The following ROCK1 variants were observed in gnomAD, a reference collection of about 807,000 sequenced individuals.
ROCK1 encodes the protein rho-associated protein kinase 1.
Under a neutral mutation model 196.8 loss-of-function variants are expected in ROCK1, and 36 were observed. That is an observed-to-expected ratio of 0.18 (90% CI 0.14 to 0.24). The LOEUF is 0.24. Ranked by LOEUF, ROCK1 falls within the 10% of genes least tolerant of loss-of-function variation. The pLI, the probability that ROCK1 is intolerant of heterozygous loss-of-function variation, is 1.00. For missense variants in ROCK1, 920 were observed against 1,562.0 expected (o/e 0.59, Z 6.93); for synonymous variants, 443 against 515.9 (o/e 0.86, Z 1.91).
chr18:20,987,980 A>C (rs1209185066), intron 18 of ROCK1, among the ~76,000 whole-genome samples: 1 of 152,100 alleles, frequency 6.6e-6, no homozygotes, highest in East Asian at 1.9e-4. Flanking sequence ...GATATCTAAT[A>C]ATCTTATTAA....
chr18:21,080,847 A>G (rs1041159458), intron 1 of ROCK1, among the ~76,000 whole-genome samples: 1 of 152,204 alleles, frequency 6.6e-6, no homozygotes, highest in Non-Finnish European at 1.5e-5. Context: ...ATATAAATAT[A>G]CAAGCCCCAT....
intron 27 of ROCK1, among the ~76,000 whole-genome samples, chr18:20,961,567 T>C (rs1295356939): frequency 1.3e-5 from 2 of 152,188 alleles, no homozygotes; most frequent in Non-Finnish European, 2.9e-5. Flanking sequence ...CAAAGCTCTA[T>C]GGTTTCAAAC....
chr18:21,034,184 T>C (rs138869135), intron 9 of ROCK1, among the ~76,000 whole-genome samples: 1 of 152,128 alleles, frequency 6.6e-6, no homozygotes, highest in Non-Finnish European at 1.5e-5. Flanking sequence ...CCTGTGTTCA[T>C]GGACTGGAAA....
intron 12 of ROCK1, among the ~76,000 whole-genome samples, chr18:21,019,637 CA>C (rs1014134344): frequency 4.8e-4 from 69 of 142,480 alleles, no homozygotes; most frequent in Non-Finnish European, 3.7e-4. Context: ...ACTAAAAATA[CA>C]AAAAAAAAAA....
intron 1 of ROCK1, among the ~76,000 whole-genome samples, chr18:21,091,778 C>A (rs1378228164): frequency 6.6e-6 from 1 of 152,042 alleles, no homozygotes; most frequent in Non-Finnish European, 1.5e-5. Context: ...TGAGACCAGG[C>A]TGGCCTACGT....
In ROCK1 at chr18:21,111,030, C is replaced by T. The variant is rs1488337929; in HGVS notation, c.-120G>A. The T allele has an allele frequency of 4.0e-6, 3 of 744,308 alleles. No homozygotes were observed. The highest frequency in any genetic ancestry group is 6.8e-6 in the Non-Finnish European group (3 of 438,188). 46.1% of individuals were successfully genotyped at this position (744,308 alleles called of 1,614,324 possible). On this transcript the variant is annotated 5_prime_UTR_variant, in exon 1 of 33. Transcript: ENST00000399799. The surrounding 1 kb of genome is among the most constrained non-coding windows in gnomAD (Gnocchi z 4.2). ...GGAGGAGCCGGAACCTCAGGGTCACCAGGTGCGCCCGGTTCCCCCGTCTTC... is the reference window on the plus strand; with the variant it reads ...GGAGGAGCCGGAACCTCAGGGTCACTAGGTGCGCCCGGTTCCCCCGTCTTC...
rs185738467 is a variant in ROCK1, at chr18:21,081,408, A to G, written c.94-10795T>C. 2.0e-4 allele frequency among the ~76,000 whole-genome samples: 30 copies of G among 152,276 alleles called. No homozygotes were observed. In the East Asian group the frequency reaches 4.4e-3, roughly 22 times the overall value. On this transcript the variant is annotated intron_variant, in intron 1 of 32. Coordinates refer to ENST00000399799, the MANE Select transcript of ROCK1 (RefSeq NM_005406.3). ...AGCTATAAATGCTTACATTTTAAAA[A>G]GAAAAAAAGCTTTTAAAATCAATAA...
chr18:20,975,712 G>A (rs1435277714), intron 22 of ROCK1, among the ~76,000 whole-genome samples: 2 of 152,114 alleles, frequency 1.3e-5, no homozygotes, highest in Non-Finnish European at 2.9e-5. Context: ...CCAGGTTCAC[G>A]CCATTCTCCT....
chr18:21,072,965 T>C (rs1419935406), intron 1 of ROCK1, among the ~76,000 whole-genome samples: 1 of 143,398 alleles, frequency 7.0e-6, no homozygotes, highest in Non-Finnish European at 1.5e-5. Context: ...TCCCAGCTAC[T>C]CGGGAGGTTG....
intron 10 of ROCK1, among the ~76,000 whole-genome samples, chr18:21,028,027 C>T (rs2035975490): frequency 6.8e-6 from 1 of 147,656 alleles, no homozygotes; most frequent in Non-Finnish European, 1.5e-5. Context: ...TCCCAAAGTG[C>T]TGGGATTACA....
At chr18:20,987,136 T>C (rs2035585202) in intron 18 of ROCK1, 26 bp from the exon 19 acceptor site, 4 of 1,603,706 alleles carry the variant, frequency 2.5e-6, no homozygotes, top group East Asian at 2.2e-5. Context: ...GTTACAAACA[T>C]ACATTTAAAG....
rs547007377 is a variant in ROCK1, at chr18:21,051,087, C to T, written c.176-1207G>A. Among the ~76,000 whole-genome samples the T allele has an allele frequency of 3.9e-5, 6 of 152,206 alleles. No homozygotes were observed. The South Asian group carries it at 1.2e-3, about 32-fold the overall frequency. On this transcript the variant is annotated intron_variant, in intron 2 of 32. Transcript: ENST00000399799. ...GGTGAGAGATAGCTAGGAAGACTTT[C>T]TGTAAATGATGGTACCTGAAAAAAG...
At chr18:20,955,288 A>C (rs1307652729) in intron 29 of ROCK1, 43 bp from the exon 30 acceptor site, 1 of 1,537,296 alleles carries the variant, frequency 6.5e-7, no homozygotes, top group Non-Finnish European at 8.7e-7. Context: ...AAACTCATTT[A>C]TTGTAAAAGA....
chr18:20,947,326 A>G lies in ROCK1; in HGVS notation c.*4058T>C, dbSNP rs1293308242. The G allele has an allele frequency of 1.3e-5, 2 of 152,064 alleles. No homozygotes were observed. The highest frequency in any genetic ancestry group is 4.8e-5 in the African/African-American group (2 of 41,400). 9.4% of individuals were successfully genotyped at this position (152,064 alleles called of 1,614,324 possible). ...GAATTGGTGGGGTGGGGTGGGGTTT[A>G]GGAAGTGCAGACTGACTTTCTACTA... is the stretch of plus-strand genomic sequence containing the variant. On this transcript the variant is annotated 3_prime_UTR_variant, in exon 33 of 33. Coordinates refer to ENST00000399799, the MANE Select transcript of ROCK1 (RefSeq NM_005406.3).
chr18:21,055,169 C>G (rs1378093304), intron 2 of ROCK1, among the ~76,000 whole-genome samples: 1 of 152,156 alleles, frequency 6.6e-6, no homozygotes, highest in Non-Finnish European at 1.5e-5. Flanking sequence ...AAATCCAACT[C>G]TCCAACTACT....
intron 4 of ROCK1, 93 bp from the exon 5 acceptor site, chr18:21,045,560 T>A: frequency 1.0e-6 from 1 of 969,950 alleles, no homozygotes; most frequent in Non-Finnish European, 1.5e-6. Context: ...ATAAAAGATT[T>A]AAGTAAAATA....
At chr18:20,964,195 T>C (rs2035352319) in intron 27 of ROCK1, among the ~76,000 whole-genome samples, 1 of 152,180 alleles carries the variant, frequency 6.6e-6, no homozygotes, top group South Asian at 2.1e-4. Context: ...GGAGTAAACT[T>C]AATCTATTCA....
At chr18:20,984,122 A>C (rs564421771) in intron 20 of ROCK1, among the ~76,000 whole-genome samples, 1 of 152,348 alleles carries the variant, frequency 6.6e-6, no homozygotes, top group African/African-American at 2.4e-5. Flanking sequence ...AACCTGAAGA[A>C]ATGTGATGAC....
At chr18:21,001,797 G>C (rs545807645) in intron 16 of ROCK1, among the ~76,000 whole-genome samples, 9 of 151,454 alleles carry the variant, frequency 5.9e-5, no homozygotes, top group African/African-American at 2.2e-4. Context: ...TACATGGGAG[G>C]CTATGAGAAA....
Sources: gnomAD v4.1 joint callset for allele counts (sites outside exome capture counted in the v4.1 genomes callset) on GRCh38, gnomAD v4.1.1 for gene constraint, Gnocchi (gnomAD v3.1) non-coding constraint, MANE v1.5 for transcripts, NCBI Gene and HGNC (gene_info 2026-07-23, HGNC 2026-07-21) for gene names.